The following UHRF1 variants were observed in gnomAD, a reference collection of about 807,000 sequenced individuals.
The protein encoded by UHRF1 is E3 ubiquitin-protein ligase UHRF1.
UHRF1 carries 9 observed loss-of-function variants against 96.5 expected under a neutral mutation model. That is an observed-to-expected ratio of 0.09 (90% CI 0.06 to 0.16). The LOEUF (loss-of-function observed/expected upper bound fraction) is 0.16, where lower values mean the gene tolerates loss of function less well. Among genes scored for constraint, UHRF1 ranks in the 10% least tolerant of loss-of-function variants. UHRF1 has a pLI of 1.00. For missense variants in UHRF1, 626 were observed against 1,131.1 expected, an observed-to-expected ratio of 0.55 and a Z score of 6.40; for synonymous variants, 455 against 469.9, an observed-to-expected ratio of 0.97 and a Z score of 0.41.
At chr19:4,927,589 C>G (rs1471356976) in intron 2 of UHRF1, among the ~76,000 whole-genome samples, 1 of 152,042 alleles carries the variant, frequency 6.6e-6, no homozygotes, top group African/African-American at 2.4e-5. Flanking sequence ...CTATGTATGT[C>G]TCTCTCCTCC....
At chr19:4,941,432 C>T (rs2033395641) in intron 5 of UHRF1, 96 bp from the exon 6 acceptor site, 1 of 906,810 alleles carries the variant, frequency 1.1e-6, no homozygotes, top group Non-Finnish European at 1.7e-6. Flanking sequence ...TGAGCTGTTG[C>T]CCCAGGCATC....
chr19:4,929,114 C>CG, intron 2 of UHRF1, 108 bp from the exon 3 acceptor site: 1 of 1,324,498 alleles, frequency 7.6e-7, no homozygotes, highest in Admixed American at 2.7e-5. Flanking sequence ...TGCAGATTGC[C>CG]CCCCCCCCAC....
chr19:4,924,677 C>A (rs1292479407), intron 2 of UHRF1, among the ~76,000 whole-genome samples: 1 of 152,166 alleles, frequency 6.6e-6, no homozygotes, highest in Admixed American at 6.5e-5. Context: ...TATAGACCCC[C>A]TGCCCCAACA....
At chr19:4,905,095 A>G (rs773372796), upstream of UHRF1, among the ~76,000 whole-genome samples, 1 of 148,586 alleles carries the variant, frequency 6.7e-6, no homozygotes, top group East Asian at 2.0e-4. Flanking sequence ...CTCAACACAA[A>G]TTCGTAAACT....
chr19:4,950,535 C>T lies in UHRF1; in HGVS notation c.1518-76C>T, dbSNP rs922593768. The T allele has an allele frequency of 7.3e-6, 11 of 1,501,698 alleles. No individual in the cohort carries two copies. In the East Asian group the frequency reaches 2.3e-4, roughly 31 times the overall value. 93.0% of individuals were successfully genotyped at this position (1,501,698 alleles called of 1,614,324 possible). Reference sequence around the variant, plus strand: ...CTGGGATTACAGGCCTGAGCCACCACTCCCGGCTCCTGTGTTTCCTTTTTT... The same window carrying T: ...CTGGGATTACAGGCCTGAGCCACCATTCCCGGCTCCTGTGTTTCCTTTTTT... On this transcript the variant is annotated intron_variant, in intron 11 of 16. Transcript: ENST00000650932.
intron 5 of UHRF1, among the ~76,000 whole-genome samples, chr19:4,936,646 T>A (rs910759670): frequency 6.6e-6 from 1 of 152,032 alleles, no homozygotes; most frequent in African/African-American, 2.4e-5. Flanking sequence ...CACATGCAGT[T>A]ATAATGTAGA....
intron 4 of UHRF1, 138 bp from the exon 5 acceptor site, chr19:4,932,603 C>G: frequency 2.3e-6 from 2 of 882,476 alleles, no homozygotes; most frequent in East Asian, 2.6e-5. Context: ...CCTGTGTGTT[C>G]TCAACACCAG....
At chr19:4,941,480 T>G in intron 5 of UHRF1, 48 bp from the exon 6 acceptor site, 1 of 1,502,406 alleles carries the variant, frequency 6.7e-7, no homozygotes, top group Non-Finnish European at 9.2e-7. Flanking sequence ...TGAGTAGATT[T>G]AGGGGCCTCG....
chr19:4,908,343 G>A (rs2032115857), upstream of UHRF1, among the ~76,000 whole-genome samples: 1 of 152,096 alleles, frequency 6.6e-6, no homozygotes, highest in East Asian at 1.9e-4. Flanking sequence ...ATAGAGTGAC[G>A]AAGAAACTGT....
intron 11 of UHRF1, among the ~76,000 whole-genome samples, chr19:4,949,092 T>C (rs1369472008): frequency 3.4e-5 from 5 of 147,140 alleles, no homozygotes; most frequent in African/African-American, 1.3e-4. Flanking sequence ...CCAAGATTGC[T>C]CCACTGCACT....
rs555857564 is a variant in UHRF1, at chr19:4,941,445, G to A, written c.786-83G>A. On this transcript the variant is annotated intron_variant, in intron 5 of 16. Transcript: ENST00000650932. Reference sequence around the variant, plus strand: ...GCTGAGCTGTTGCCCCAGGCATCCCGAGAACCCGTGGTGTTCAAGTGCTGT... The same window carrying A: ...GCTGAGCTGTTGCCCCAGGCATCCCAAGAACCCGTGGTGTTCAAGTGCTGT... The A allele has an allele frequency of 2.9e-5, 32 of 1,087,276 alleles. 2 individuals are homozygous for A. Among genetic ancestry groups the A allele is most frequent in the African/African-American group, 2.7e-4 (17 of 63,934 alleles). The allele number at this position is 1,087,276 out of a possible 1,614,324, so 67.4% of individuals were successfully genotyped here.
chr19:4,928,504 G>A (rs2032942274), intron 2 of UHRF1, among the ~76,000 whole-genome samples: 1 of 152,232 alleles, frequency 6.6e-6, no homozygotes. Flanking sequence ...GGCAGGCTGT[G>A]GAGCCAGGCC....
At chr19:4,951,531 C>T (rs866593282) in intron 13 of UHRF1, among the ~76,000 whole-genome samples, 1 of 152,060 alleles carries the variant, frequency 6.6e-6, no homozygotes, top group African/African-American at 2.4e-5. Context: ...CCATATAAAT[C>T]CTCCAGCCAG....
intron 16 of UHRF1, among the ~76,000 whole-genome samples, chr19:4,957,353 T>C (rs867321696): frequency 7.5e-6 from 1 of 134,200 alleles, no homozygotes; most frequent in Non-Finnish European, 1.6e-5. Flanking sequence ...CTGTTGCCCA[T>C]GCTGGAGTGC....
At chr19:4,944,283 T>C (rs764589116) in intron 8 of UHRF1, 28 bp downstream of exon 8, 2 of 1,613,882 alleles carry the variant, frequency 1.2e-6, no homozygotes, top group Non-Finnish European at 1.7e-6. Context: ...CACGTGCCCG[T>C]GGCCCCTCCC....
At chr19:4,941,963 C>A in intron 7 of UHRF1, 32 bp downstream of exon 7, 1 of 1,450,882 alleles carries the variant, frequency 6.9e-7, no homozygotes, top group East Asian at 2.5e-5. Context: ...GCGGGGAGAC[C>A]AGAGCGCCCC....
intron 16 of UHRF1, among the ~76,000 whole-genome samples, chr19:4,958,660 C>T (rs757879925): frequency 6.6e-6 from 1 of 152,160 alleles, no homozygotes; most frequent in Non-Finnish European, 1.5e-5. Context: ...TGTGACCTTC[C>T]ACCTTGATCT....
intron 5 of UHRF1, among the ~76,000 whole-genome samples, chr19:4,933,309 G>C (rs2033116298): frequency 6.6e-6 from 1 of 152,090 alleles, no homozygotes; most frequent in African/African-American, 2.4e-5. Context: ...TCTGCCTCCT[G>C]GGTTCATGCC....
At chr19:4,947,488 A>ATTTTTTTT (rs1568427975) in intron 11 of UHRF1, among the ~76,000 whole-genome samples, 11 of 70,362 alleles carry the variant, frequency 1.6e-4, no homozygotes, top group African/African-American at 4.9e-4. Flanking sequence ...GATAATAGAT[A>ATTTTTTTT]TCTTTTTTTT....
Sources: allele counts gnomAD v4.1 joint callset (sites outside exome capture counted in the v4.1 genomes callset), GRCh38; gene constraint gnomAD v4.1.1; transcripts MANE v1.5; gene names NCBI Gene and HGNC (gene_info 2026-07-23, HGNC 2026-07-21).